The following MGAT5 variants were observed in gnomAD, a reference collection of about 807,000 sequenced individuals.
MGAT5 encodes the protein alpha-1,6-mannosylglycoprotein 6-beta-N-acetylglucosaminyltransferase.
A neutral mutation model predicts 94.3 loss-of-function variants in MGAT5; 30 were observed. That is an observed-to-expected ratio of 0.32 (90% CI 0.24 to 0.43). The LOEUF (loss-of-function observed/expected upper bound fraction) is 0.43. MGAT5 is among the 20% of genes least tolerant of loss of function. The pLI, the probability that MGAT5 is intolerant of heterozygous loss-of-function variation, is 1.00. For synonymous variants in MGAT5, 310 were observed against 322.9 expected, an observed-to-expected ratio of 0.96 and a Z score of 0.43; for missense variants, 691 against 905.5, an observed-to-expected ratio of 0.76 and a Z score of 3.04.
chr2:134,343,071 G>A (rs1045458109), intron 7 of MGAT5, among the ~76,000 whole-genome samples: 3 of 152,116 alleles, frequency 2.0e-5, no homozygotes, highest in African/African-American at 4.8e-5. Context: ...ATGAATGAGT[G>A]AAGGAATAAA....
intron 10 of MGAT5, among the ~76,000 whole-genome samples, chr2:134,392,686 G>C (rs1041370016): frequency 1.3e-5 from 2 of 152,228 alleles, no homozygotes; most frequent in African/African-American, 4.8e-5. Context: ...ATTACCAGTG[G>C]ACACATCCAT....
intron 1 of MGAT5, among the ~76,000 whole-genome samples, chr2:134,259,108 A>G (rs1315528495): frequency 6.6e-6 from 1 of 152,218 alleles, no homozygotes; most frequent in African/African-American, 2.4e-5. Flanking sequence ...CCCGTGTGGA[A>G]CATTCAGTGC....
chr2:134,421,622 G>A (rs1360616392), intron 12 of MGAT5, among the ~76,000 whole-genome samples: 1 of 152,012 alleles, frequency 6.6e-6, no homozygotes, highest in African/African-American at 2.4e-5. Context: ...CTAAGCCCAC[G>A]TGAAAGCCCT....
At chr2:134,140,312 A>G (rs1686600545) in intron 1 of MGAT5, among the ~76,000 whole-genome samples, 1 of 152,234 alleles carries the variant, frequency 6.6e-6, no homozygotes, top group Admixed American at 6.5e-5. Flanking sequence ...ACCGTGGGAA[A>G]GGAGAGATGG....
intron 9 of MGAT5, among the ~76,000 whole-genome samples, chr2:134,355,399 C>G (rs1679671268): frequency 6.6e-6 from 1 of 152,234 alleles, no homozygotes; most frequent in African/African-American, 2.4e-5. Flanking sequence ...CAAGACTCTT[C>G]TACACGCAAG....
chr2:134,192,762 A>G lies in MGAT5; in HGVS notation c.-142-61500A>G, dbSNP rs1245740665. Among the ~76,000 whole-genome samples, 4 of 152,150 alleles carry G rather than the reference A, an allele frequency of 2.6e-5. No homozygotes were observed. The East Asian group carries it at 5.8e-4, about 22-fold the overall frequency. On this transcript the variant is annotated intron_variant, in intron 1 of 16. Transcript: ENST00000409645. Reference sequence around the variant, plus strand: ...TGGGATTATTTAAGTAAAACATGCAATTACTACTTAGCTTTTAAATTGTGG... The same window carrying G: ...TGGGATTATTTAAGTAAAACATGCAGTTACTACTTAGCTTTTAAATTGTGG...
chr2:134,180,150 A>G (rs528546368), intron 1 of MGAT5, among the ~76,000 whole-genome samples: 354 of 152,332 alleles, frequency 2.3e-3, no homozygotes, highest in Non-Finnish European at 4.1e-3. Context: ...TTAGTATATA[A>G]TCAAGAAATA....
chr2:134,167,827 A>G (rs1204741631), intron 1 of MGAT5, among the ~76,000 whole-genome samples: 1 of 152,234 alleles, frequency 6.6e-6, no homozygotes, highest in Non-Finnish European at 1.5e-5. Context: ...TTTGGCTACA[A>G]CTATTATCTC....
chr2:134,333,037 G>A (rs1688081507), intron 4 of MGAT5, among the ~76,000 whole-genome samples: 2 of 152,272 alleles, frequency 1.3e-5, no homozygotes, highest in South Asian at 4.1e-4. Context: ...CGATTCCTCA[G>A]GGATCTAGAA....
At position 134,403,395 on chromosome 2, in the gene MGAT5, A is replaced by G. The variant is rs188479502; in HGVS notation, c.1530+258A>G. 3.0e-4 allele frequency among the ~76,000 whole-genome samples: 46 copies of G among 152,320 alleles called. No individual in the cohort carries two copies. In the East Asian group the frequency reaches 7.5e-3, roughly 25 times the overall value. On this transcript the variant is annotated intron_variant, in intron 11 of 15. Transcript: ENST00000281923. ...TTAGGTGTCAAGCAAGGGGCTAAGG[A>G]TAAGGCTGCAAATGGAAAAGGTAAA...
At chr2:134,372,089 C>T (rs1052640127) in intron 10 of MGAT5, among the ~76,000 whole-genome samples, 21 of 152,152 alleles carry the variant, frequency 1.4e-4, no homozygotes, top group Non-Finnish European at 2.6e-4. Context: ...AACAGGTGCT[C>T]CAAACAGGCA....
chr2:134,128,650 C>G (rs1338069475), intron 1 of MGAT5, among the ~76,000 whole-genome samples: 1 of 152,050 alleles, frequency 6.6e-6, no homozygotes, highest in Non-Finnish European at 1.5e-5. Context: ...CCTCCAACTC[C>G]TGGGCTGAAG....
chr2:134,154,428 C>T (rs1466408415), intron 1 of MGAT5, among the ~76,000 whole-genome samples: 1 of 152,344 alleles, frequency 6.6e-6, no homozygotes, highest in East Asian at 1.9e-4. Context: ...TGTGTTCAGA[C>T]ATGCAGGTCA....
intron 2 of MGAT5, among the ~76,000 whole-genome samples, chr2:134,309,997 T>C (rs1480365458): frequency 6.6e-6 from 1 of 152,218 alleles, no homozygotes; most frequent in African/African-American, 2.4e-5. Context: ...GTTTTCATAG[T>C]CATCACAACT....
chr2:134,167,084 A>G (rs899850144), intron 1 of MGAT5, among the ~76,000 whole-genome samples: 2 of 152,232 alleles, frequency 1.3e-5, no homozygotes, highest in African/African-American at 2.4e-5. Context: ...GGGAGTTATA[A>G]GTCTCTATTA....
At chr2:134,355,816 T>C (rs558572243) in intron 9 of MGAT5, among the ~76,000 whole-genome samples, 1 of 152,166 alleles carries the variant, frequency 6.6e-6, no homozygotes, top group Admixed American at 6.5e-5. Flanking sequence ...CATCTTTATC[T>C]AATTGAGTTT....
chr2:134,282,825 C>T (rs1244664150), intron 2 of MGAT5, among the ~76,000 whole-genome samples: 1 of 152,150 alleles, frequency 6.6e-6, no homozygotes, highest in Admixed American at 6.6e-5. Context: ...AGAGATTGAG[C>T]AGAGACCCAT....
At chr2:134,153,484 G>C (rs1226635043) in intron 1 of MGAT5, among the ~76,000 whole-genome samples, 1 of 152,194 alleles carries the variant, frequency 6.6e-6, no homozygotes, top group African/African-American at 2.4e-5. Flanking sequence ...TTTCCCTGGA[G>C]AGGGTTCTTG....
intron 2 of MGAT5, among the ~76,000 whole-genome samples, chr2:134,292,610 A>G (rs1053064546): frequency 6.6e-6 from 1 of 152,112 alleles, no homozygotes; most frequent in East Asian, 1.9e-4. Flanking sequence ...AATACAATTC[A>G]GGTTTATTTT....
Sources: allele counts gnomAD v4.1 joint callset (sites outside exome capture counted in the v4.1 genomes callset), GRCh38; gene constraint gnomAD v4.1.1; transcripts MANE v1.5; gene names NCBI Gene and HGNC (gene_info 2026-07-23, HGNC 2026-07-21).